Variants in AHCY observed in about 807,000 individuals in gnomAD.
The protein encoded by AHCY is adenosylhomocysteinase, also known as S-adenosyl-L-homocysteine hydrolase.
Under a neutral mutation model 45.4 loss-of-function variants are expected in AHCY, and 24 were observed. The ratio of observed to expected loss-of-function variants is 0.53; its 90% CI spans 0.38 to 0.74. The LOEUF (loss-of-function observed/expected upper bound fraction) is 0.74, where lower values mean the gene tolerates loss of function less well. Ranked by LOEUF, AHCY falls within the 30% of genes least tolerant of loss-of-function variation. The pLI, the probability that AHCY is intolerant of heterozygous loss-of-function variation, is 0.00. For missense variants in AHCY, 449 were observed against 594.1 expected (o/e 0.76, Z 2.54); for synonymous variants, 245 against 235.1 (o/e 1.04, Z -0.39).
In AHCY at chr20:34,291,407, C is replaced by T. The variant is rs774821315; in HGVS notation, c.558+12G>A. The stretch of plus-strand genomic sequence containing the variant: ...CCACTGTAGCGGGAGCTGTCACTGC[C>T]CCTCGGCTCACCTTGGTGACGGAGT... On this transcript the variant is annotated intron_variant, in intron 5 of 9. Coordinates refer to ENST00000217426, the MANE Select transcript of AHCY (RefSeq NM_000687.4). 6.2e-7 allele frequency: 1 copy of T among 1,611,218 alleles called. No individual in the cohort carries two copies. Among genetic ancestry groups the T allele is most frequent in the Non-Finnish European group, 8.5e-7 (1 of 1,177,862 alleles).
At chr20:34,236,768 T>G in the AHCY span, among the ~76,000 whole-genome samples, 5 of 152,362 alleles carry the variant, frequency 3.3e-5, no homozygotes, top group African/African-American at 1.2e-4. Flanking sequence ...TGAAGAATTT[T>G]GGGAAACTCT....
intron 1 of AHCY, among the ~76,000 whole-genome samples, chr20:34,309,801 AT>A (rs1432512601): frequency 6.6e-6 from 1 of 151,928 alleles, no homozygotes; most frequent in African/African-American, 2.4e-5. Flanking sequence ...AAGTGAATTA[AT>A]TAATTAAAGA....
the AHCY span, among the ~76,000 whole-genome samples, chr20:34,274,586 A>G: frequency 6.6e-6 from 1 of 152,138 alleles, no homozygotes; most frequent in East Asian, 1.9e-4. Flanking sequence ...AAGCAGCTGC[A>G]TCTTCTTTTC....
At chr20:34,258,700 A>ATACACACATAC in the AHCY span, among the ~76,000 whole-genome samples, 3 of 77,918 alleles carry the variant, frequency 3.9e-5, no homozygotes, top group Admixed American at 3.6e-4. Context: ...TACATACTAT[A>ATACACACATAC]TATATATATT....
the AHCY span, among the ~76,000 whole-genome samples, chr20:34,235,233 A>G: frequency 1.3e-5 from 2 of 152,280 alleles, no homozygotes; most frequent in Non-Finnish European, 2.9e-5. Flanking sequence ...TGAAGTCAGG[A>G]GTTTGAGACC....
chr20:34,278,137 G>A (rs991631615), downstream of AHCY, among the ~76,000 whole-genome samples: 14 of 152,170 alleles, frequency 9.2e-5, no homozygotes, highest in South Asian at 2.1e-4. Context: ...GTGGGTACCC[G>A]GTCAGTGTCA....
chr20:34,292,880 G>A (rs954620411), intron 3 of AHCY, among the ~76,000 whole-genome samples: 2 of 152,172 alleles, frequency 1.3e-5, no homozygotes, highest in East Asian at 1.9e-4. Flanking sequence ...CTGCCTGGGC[G>A]CCAAGGACTG....
At chr20:34,276,600 C>T (rs745516364), downstream of AHCY, among the ~76,000 whole-genome samples, 7 of 152,050 alleles carry the variant, frequency 4.6e-5, no homozygotes, top group African/African-American at 1.7e-4. Flanking sequence ...ACCCAGCACC[C>T]GGGGGTCTTT....
rs772109363 is a variant in AHCY, at chr20:34,290,469, C to G, written c.855-20G>C. 6.2e-7 allele frequency: 1 copy of G among 1,613,902 alleles called. No individual in the cohort carries two copies. The highest frequency in any genetic ancestry group is 1.1e-5 in the South Asian group (1 of 91,048). On this transcript the variant is annotated intron_variant, in intron 7 of 9. Transcript: ENST00000217426. The surrounding 1 kb of genome is among the most constrained non-coding windows in gnomAD (Gnocchi z 4.5). ...AAGTGCCTGTCAGGCAGCCCAAGAC[C>G]GTGGGAGATTGTCAGGGACAGAAAG... is the stretch of plus-strand genomic sequence containing the variant.
the AHCY span, among the ~76,000 whole-genome samples, chr20:34,255,494 C>G: frequency 1.3e-5 from 2 of 151,746 alleles, no homozygotes; most frequent in African/African-American, 4.8e-5. Context: ...GGCAAGAGAC[C>G]GAGGGCACAA....
chr20:34,248,528 C>T, the AHCY span, among the ~76,000 whole-genome samples: 3 of 152,128 alleles, frequency 2.0e-5, no homozygotes, highest in Non-Finnish European at 2.9e-5. Context: ...TCAGGTCAGG[C>T]ACGATGGCTC....
chr20:34,261,345 T>A, the AHCY span, among the ~76,000 whole-genome samples: 4 of 152,000 alleles, frequency 2.6e-5, no homozygotes, highest in Non-Finnish European at 4.4e-5. Flanking sequence ...CAGAAAAATT[T>A]AAAAACTAGC....
At chr20:34,269,618 G>C in the AHCY span, among the ~76,000 whole-genome samples, 3 of 151,614 alleles carry the variant, frequency 2.0e-5, no homozygotes, top group Non-Finnish European at 4.4e-5. Context: ...CCTCCTAGGT[G>C]CTCCCCTCTC....
chr20:34,275,154 A>C, the AHCY span, among the ~76,000 whole-genome samples: 2 of 122,056 alleles, frequency 1.6e-5, no homozygotes, highest in South Asian at 5.5e-4. Flanking sequence ...TTTTTTTGAG[A>C]TGGAGTCTCG....
At chr20:34,255,076 T>C in the AHCY span, among the ~76,000 whole-genome samples, 1 of 152,158 alleles carries the variant, frequency 6.6e-6, no homozygotes, top group Non-Finnish European at 1.5e-5. Context: ...AGTGTTTACA[T>C]TAGGCTTATG....
At chr20:34,260,326 CT>C in the AHCY span, 2 of 1,587,548 alleles carry the variant, frequency 1.3e-6, no homozygotes, top group South Asian at 1.1e-5. Flanking sequence ...ACCATTACCC[CT>C]GACCCACCCA....
At chr20:34,306,558 G>A (rs183846356), upstream of AHCY, among the ~76,000 whole-genome samples, 10 of 151,926 alleles carry the variant, frequency 6.6e-5, no homozygotes, top group Non-Finnish European at 1.3e-4. Flanking sequence ...TAATAGAGAC[G>A]GTGTTTCACC....
chr20:34,263,026 C>A, the AHCY span: 2 of 1,022,784 alleles, frequency 2.0e-6, no homozygotes, highest in Non-Finnish European at 2.8e-6. Flanking sequence ...AAACTGAAAG[C>A]TACTAAAGAC....
At chr20:34,294,024 G>T in intron 3 of AHCY, 57 bp downstream of exon 3, 1 of 1,551,186 alleles carries the variant, frequency 6.4e-7, no homozygotes, top group Non-Finnish European at 8.9e-7. Flanking sequence ...AGTCAGTGAA[G>T]CAAAGAGGGC....
Sources: allele counts gnomAD v4.1 joint callset (sites outside exome capture counted in the v4.1 genomes callset), GRCh38; gene constraint gnomAD v4.1.1; non-coding constraint Gnocchi (gnomAD v3.1); transcripts MANE v1.5; gene names NCBI Gene and HGNC (gene_info 2026-07-23, HGNC 2026-07-21).